The following DACH1 variants were observed in gnomAD, a reference collection of about 807,000 sequenced individuals.
DACH1 encodes dachshund family transcription factor 1, also known as dachshund homolog 1.
In DACH1, 12 loss-of-function variants were observed where a neutral mutation model predicts 54.2. The ratio of observed to expected loss-of-function variants is 0.22; its 90% CI spans 0.14 to 0.36. The LOEUF is 0.36. Among genes scored for constraint, DACH1 ranks in the 10% least tolerant of loss-of-function variants. The pLI is 1.00. For missense variants in DACH1, 805 were observed against 929.8 expected, an observed-to-expected ratio of 0.87 and a Z score of 1.75; for synonymous variants, 386 against 366.2, an observed-to-expected ratio of 1.05 and a Z score of -0.62.
Position 71,475,147 on chromosome 13 carries a change from T to A in DACH1, c.2077A>T (p.Ile693Leu), listed in dbSNP as rs1439532845. 6.2e-7 allele frequency: 1 copy of A among 1,613,962 alleles called. No homozygotes were observed. The highest frequency in any genetic ancestry group is 8.5e-7 in the Non-Finnish European group (1 of 1,179,852). The part of the protein sequence containing the change: ...SGGRTDAERT[I>L]QDGRLYLKTT... Reference sequence around the variant, plus strand: ...GCCTTCTGCAAATTCCTACCTTGTATTGTCCTTTCAGCATCTGTTCTGCCG... The same window carrying A: ...GCCTTCTGCAAATTCCTACCTTGTAATGTCCTTTCAGCATCTGTTCTGCCG... The change falls in exon 10 of 11, where the codon ATA becomes TTA. Residue 693 changes from isoleucine to leucine, a missense_variant. Ile to Leu is a conservative substitution (Grantham distance 5). Around this residue, in one of 3 missense-constraint regions of DACH1, gnomAD observed 472 missense variants for 545.3 expected, o/e 0.87. Coordinates refer to ENST00000613252, the MANE Select transcript of DACH1 (RefSeq NM_080759.6).
At chr13:71,631,283 T>C (rs1877080590) in intron 2 of DACH1, among the ~76,000 whole-genome samples, 1 of 152,168 alleles carries the variant, frequency 6.6e-6, no homozygotes, top group Non-Finnish European at 1.5e-5. Context: ...CTTTTCATCC[T>C]CCTGAAAAAA....
At chr13:71,785,087 T>C (rs1886536586) in intron 1 of DACH1, among the ~76,000 whole-genome samples, 1 of 152,182 alleles carries the variant, frequency 6.6e-6, no homozygotes, top group South Asian at 2.1e-4. Context: ...TTTCTTATTT[T>C]CAATTGTGAG....
chr13:71,806,330 C>CA lies in DACH1; in HGVS notation c.848+59591dup, dbSNP rs1376326143. 1.7e-4 allele frequency among the ~76,000 whole-genome samples: 26 copies of CA among 152,230 alleles called. No homozygotes were observed. In the East Asian group the frequency reaches 2.3e-3, roughly 14 times the overall value. Reference sequence around the variant, plus strand: ...TAAGTAGTTTCCATGAGCCATTCGACAATCACAGCACAGAATTATACAGTT... The same window carrying CA: ...TAAGTAGTTTCCATGAGCCATTCGACAAATCACAGCACAGAATTATACAGTT... On this transcript the variant is annotated intron_variant, in intron 1 of 10. Coordinates refer to ENST00000613252, the MANE Select transcript of DACH1 (RefSeq NM_080759.6).
chr13:71,578,465 A>G (rs991480488), intron 3 of DACH1, among the ~76,000 whole-genome samples: 1 of 152,166 alleles, frequency 6.6e-6, no homozygotes, highest in African/African-American at 2.4e-5. Context: ...TAGTGGATTA[A>G]GTTCACTCTA....
chr13:71,589,978 C>T (rs1246543765), intron 3 of DACH1, among the ~76,000 whole-genome samples: 1 of 151,974 alleles, frequency 6.6e-6, no homozygotes, highest in African/African-American at 2.4e-5. Flanking sequence ...ACCTACGGGG[C>T]TGTAAATATA....
Position 71,697,650 on chromosome 13 carries a change from C to A in DACH1, c.849-15740G>T, listed in dbSNP as rs1476354658. Among the ~76,000 whole-genome samples, 2 of 152,114 alleles carry A rather than the reference C, an allele frequency of 1.3e-5. 1 individual carries two copies. Among genetic ancestry groups the A allele is most frequent in the East Asian group, 3.8e-4 (2 of 5,196 alleles). On this transcript the variant is annotated intron_variant, in intron 1 of 10. Coordinates refer to ENST00000613252, the MANE Select transcript of DACH1 (RefSeq NM_080759.6). ...ACTTAAATTTTAATTTATACTTTTACAATGAAGTGTCAATTTTTAATTATA... is the reference window on the plus strand; with the variant it reads ...ACTTAAATTTTAATTTATACTTTTAAAATGAAGTGTCAATTTTTAATTATA...
chr13:71,714,603 C>T (rs1308853239), intron 1 of DACH1, among the ~76,000 whole-genome samples: 1 of 151,896 alleles, frequency 6.6e-6, no homozygotes, highest in Non-Finnish European at 1.5e-5. Context: ...TAAAAGACAT[C>T]TGTGGAATTT....
chr13:71,635,827 C>A (rs1877449093), intron 2 of DACH1, among the ~76,000 whole-genome samples: 1 of 152,132 alleles, frequency 6.6e-6, no homozygotes, highest in South Asian at 2.1e-4. Context: ...GTCACCCAGG[C>A]TGGAGTGCAG....
intron 2 of DACH1, among the ~76,000 whole-genome samples, chr13:71,680,931 T>C (rs1218108027): frequency 1.3e-5 from 2 of 152,054 alleles, no homozygotes; most frequent in Non-Finnish European, 2.9e-5. Flanking sequence ...AGAAAAACTC[T>C]CATCTTGCCT....
At position 71,652,345 on chromosome 13, in the gene DACH1, G is replaced by A. The variant is rs529447535; in HGVS notation, c.965-21628C>T. On this transcript the variant is annotated intron_variant, in intron 2 of 10. Coordinates refer to ENST00000613252, the MANE Select transcript of DACH1 (RefSeq NM_080759.6). ...CAAAATTAAGTCATTCCACTCCTCT[G>A]CTTGCACATTTTTGGCATTACCCAT... 1.6e-4 allele frequency among the ~76,000 whole-genome samples: 25 copies of A among 152,064 alleles called. No individual in the cohort carries two copies. The East Asian group carries it at 4.9e-3, about 30-fold the overall frequency.
At chr13:71,527,654 A>T (rs1345018923) in intron 6 of DACH1, among the ~76,000 whole-genome samples, 1 of 152,216 alleles carries the variant, frequency 6.6e-6, no homozygotes, top group African/African-American at 2.4e-5. Flanking sequence ...GGCCCTCATA[A>T]ATCTTGCCAG....
chr13:71,850,613 T>G (rs2138262941), intron 1 of DACH1, among the ~76,000 whole-genome samples: 1 of 152,316 alleles, frequency 6.6e-6, no homozygotes, highest in South Asian at 2.1e-4. Flanking sequence ...CCACACATGA[T>G]TCAGTACAAA....
chr13:71,747,440 G>A lies in DACH1; in HGVS notation c.849-65530C>T, dbSNP rs138834152. Among the ~76,000 whole-genome samples the A allele has an allele frequency of 7.5e-3, 1,145 of 152,166 alleles. 14 individuals are homozygous for A. The highest frequency in any genetic ancestry group is 0.026 in the African/African-American group (1,085 of 41,512). On this transcript the variant is annotated intron_variant, in intron 1 of 10. Transcript: ENST00000613252. ...CTAAAAAAATTAAAAAATTAGCTGG[G>A]TGAGGTGGTGCATTTCTGTAGTCCC...
chr13:71,668,412 A>G (rs563073135), intron 2 of DACH1, among the ~76,000 whole-genome samples: 1 of 152,124 alleles, frequency 6.6e-6, no homozygotes, highest in Non-Finnish European at 1.5e-5. Flanking sequence ...AAATTATTGC[A>G]TTTCTGAAAT....
intron 6 of DACH1, among the ~76,000 whole-genome samples, chr13:71,519,010 C>T (rs1385290762): frequency 2.0e-5 from 3 of 151,898 alleles, no homozygotes; most frequent in African/African-American, 7.2e-5. Context: ...ATACCATATA[C>T]ATCTGGTTTC....
intron 1 of DACH1, among the ~76,000 whole-genome samples, chr13:71,692,908 A>G (rs188528324): frequency 2.9e-3 from 436 of 152,236 alleles, no homozygotes; most frequent in Admixed American, 4.5e-3. Flanking sequence ...ATTATCAACT[A>G]CATAGACAAA....
intron 1 of DACH1, among the ~76,000 whole-genome samples, chr13:71,780,701 C>T (rs943804745): frequency 6.6e-6 from 1 of 151,616 alleles, no homozygotes; most frequent in African/African-American, 2.4e-5. Context: ...CCCTCTCTTC[C>T]TTCACTTAAC....
At chr13:71,586,548 C>T (rs1358834857) in intron 3 of DACH1, among the ~76,000 whole-genome samples, 1 of 152,058 alleles carries the variant, frequency 6.6e-6, no homozygotes, top group Non-Finnish European at 1.5e-5. Flanking sequence ...CTATTTATTA[C>T]TATTCTTCAC....
rs528797759 is a variant in DACH1 at position 71,600,436 on chromosome 13, T to A, written c.1127-27424A>T. On this transcript the variant is annotated intron_variant, in intron 3 of 10. Coordinates refer to ENST00000613252, the MANE Select transcript of DACH1 (RefSeq NM_080759.6). ...GGTGGATATATTTAACTAAATAAAGTCTTTCCATATAATTTGATTTACCTG... is the reference window on the plus strand; with the variant it reads ...GGTGGATATATTTAACTAAATAAAGACTTTCCATATAATTTGATTTACCTG... Among the ~76,000 whole-genome samples, 993 of 152,186 alleles carry A rather than the reference T, an allele frequency of 6.5e-3. 7 individuals are homozygous for A. The highest frequency in any genetic ancestry group is 0.014 in the Middle Eastern group (4 of 294).
Sources: allele counts gnomAD v4.1 joint callset (sites outside exome capture counted in the v4.1 genomes callset), GRCh38; gene constraint gnomAD v4.1.1; regional missense constraint gnomAD v4.1.1; transcripts MANE v1.5; gene names NCBI Gene and HGNC (gene_info 2026-07-23, HGNC 2026-07-21).